ITCH: variants seen among roughly 807,000 people sequenced by gnomAD.
The protein encoded by ITCH is E3 ubiquitin-protein ligase Itchy homolog.
A neutral mutation model predicts 126.8 loss-of-function variants in ITCH; 28 were observed. The ratio of observed to expected loss-of-function variants is 0.22; its 90% confidence interval spans 0.16 to 0.30. ITCH has a LOEUF of 0.30. Among genes scored for constraint, ITCH ranks in the 10% least tolerant of loss-of-function variants. The probability of loss-of-function intolerance (pLI) is 1.00; values close to 1 mark genes in which losing one functional copy is unlikely to be tolerated. For synonymous variants in ITCH, 342 were observed against 340.0 expected (o/e 1.01, Z -0.06); for missense variants, 631 against 1,032.4 (o/e 0.61, Z 5.33).
intron 11 of ITCH, among the ~76,000 whole-genome samples, chr20:34,448,284 T>G (rs1192797248): frequency 1.3e-5 from 2 of 151,776 alleles, no homozygotes; most frequent in Non-Finnish European, 2.9e-5. Flanking sequence ...TCCCAGCTAC[T>G]CAGGAGGCTG....
intron 1 of ITCH, among the ~76,000 whole-genome samples, chr20:34,364,218 A>T (rs2037319568): frequency 6.6e-6 from 1 of 152,164 alleles, no homozygotes; most frequent in South Asian, 2.1e-4. Flanking sequence ...AGGGCCAGGA[A>T]TTCATTATCC....
chr20:34,410,664 A>G (rs1414505114), intron 4 of ITCH, among the ~76,000 whole-genome samples: 1 of 152,188 alleles, frequency 6.6e-6, no homozygotes, highest in African/African-American at 2.4e-5. Context: ...AACCAGGGCA[A>G]AGTAGCGAGT....
rs1222532769 is a variant in ITCH, at chr20:34,509,476, C to T, written c.*1682C>T. On this transcript the variant is annotated 3_prime_UTR_variant, in exon 25 of 25. Transcript: ENST00000374864. ...TTCTTCCTTTTACATCCTGGAACAA[C>T]AATAAAAACATTTTTTTAAACTTGT... The T allele has an allele frequency of 6.6e-6, 1 of 152,586 alleles. No homozygotes were observed. Among genetic ancestry groups the T allele is most frequent in the Non-Finnish European group, 1.5e-5 (1 of 68,024 alleles). 9.5% of individuals were successfully genotyped at this position (152,586 alleles called of 1,614,324 possible).
intron 2 of ITCH, among the ~76,000 whole-genome samples, chr20:34,380,240 A>G (rs2038007048): frequency 6.6e-6 from 1 of 152,116 alleles, no homozygotes; most frequent in African/African-American, 2.4e-5. Context: ...GTTGTACCAT[A>G]TGTCAGAATT....
chr20:34,387,611 C>A (rs907148287), intron 2 of ITCH, among the ~76,000 whole-genome samples: 1 of 149,884 alleles, frequency 6.7e-6, no homozygotes, highest in Non-Finnish European at 1.5e-5. Context: ...CAGAGCGAGA[C>A]CCTGTCTCAA....
intron 3 of ITCH, among the ~76,000 whole-genome samples, chr20:34,398,460 G>A (rs928039867): frequency 1.3e-5 from 2 of 151,438 alleles, no homozygotes; most frequent in Non-Finnish European, 2.9e-5. Context: ...GTGCAATGGC[G>A]TGATCTCGGC....
chr20:34,372,952 C>G (rs1159962481), intron 2 of ITCH, among the ~76,000 whole-genome samples: 1 of 150,808 alleles, frequency 6.6e-6, no homozygotes, highest in Non-Finnish European at 1.5e-5. Context: ...TTTTTGGTTC[C>G]TTTAACATGA....
intron 23 of ITCH, among the ~76,000 whole-genome samples, chr20:34,499,271 G>GC (rs1990090677): frequency 2.4e-5 from 1 of 40,842 alleles, no homozygotes. Flanking sequence ...ACTGTGCCCA[G>GC]CTTTTTTTTT....
At chr20:34,373,669 A>G (rs1009869493) in intron 2 of ITCH, among the ~76,000 whole-genome samples, 1 of 151,604 alleles carries the variant, frequency 6.6e-6, no homozygotes, top group Non-Finnish European at 1.5e-5. Context: ...TTTTTTTTCC[A>G]TGTCTGGAAA....
chr20:34,475,046 T>C (rs1988040459), intron 16 of ITCH, among the ~76,000 whole-genome samples: 1 of 140,858 alleles, frequency 7.1e-6, no homozygotes, highest in Non-Finnish European at 1.5e-5. Flanking sequence ...GCTCCCCACA[T>C]CCCAGACCAT....
intron 2 of ITCH, among the ~76,000 whole-genome samples, chr20:34,376,651 C>G (rs994752449): frequency 4.0e-5 from 6 of 151,828 alleles, no homozygotes; most frequent in Non-Finnish European, 7.4e-5. Flanking sequence ...TTTGTGTGAG[C>G]CTGGTAATAG....
intron 23 of ITCH, among the ~76,000 whole-genome samples, chr20:34,492,944 A>G (rs1349564661): frequency 6.6e-6 from 1 of 152,178 alleles, no homozygotes; most frequent in African/African-American, 2.4e-5. Flanking sequence ...ACAATAGTGG[A>G]TTGTAGTTTT....
In ITCH at chr20:34,408,505, A is replaced by G. The variant is rs555428380; in HGVS notation, c.71-146A>G. 151 of 723,500 alleles carry G rather than the reference A, an allele frequency of 2.1e-4. 2 individuals are homozygous for G. The South Asian group carries it at 2.4e-3, about 12-fold the overall frequency. The allele number at this position is 723,500 out of a possible 1,614,324, so 44.8% of individuals were successfully genotyped here. ...TAGGATGGGAGGAAGTACAAAGGTTATGAGTGAATAAAATTGGTAAGTATT... is the reference window on the plus strand; with the variant it reads ...TAGGATGGGAGGAAGTACAAAGGTTGTGAGTGAATAAAATTGGTAAGTATT... On this transcript the variant is annotated intron_variant, in intron 3 of 24. Transcript: ENST00000374864.
At chr20:34,483,461 C>A (rs527314805) in intron 20 of ITCH, among the ~76,000 whole-genome samples, 2 of 152,256 alleles carry the variant, frequency 1.3e-5, no homozygotes, top group African/African-American at 4.8e-5. Flanking sequence ...CAAGTACAAT[C>A]GTCTCTCTCA....
intron 2 of ITCH, among the ~76,000 whole-genome samples, chr20:34,376,760 A>T (rs1012025531): frequency 6.6e-6 from 1 of 152,112 alleles, no homozygotes; most frequent in Admixed American, 6.6e-5. Flanking sequence ...GTGAAGATTT[A>T]TTTGGCAAAA....
At chr20:34,472,392 A>AG in intron 16 of ITCH, among the ~76,000 whole-genome samples, 1 of 151,280 alleles carries the variant, frequency 6.6e-6, no homozygotes, top group African/African-American at 2.4e-5. Context: ...AAAAAAAAAA[A>AG]AAAAACTTGA....
At chr20:34,403,357 T>G (rs2038950375) in intron 3 of ITCH, among the ~76,000 whole-genome samples, 1 of 152,150 alleles carries the variant, frequency 6.6e-6, no homozygotes. Context: ...CAGAGGAACA[T>G]TAGTTTAAGC....
chr20:34,407,508 A>T (rs948540966), intron 3 of ITCH, among the ~76,000 whole-genome samples: 2 of 152,120 alleles, frequency 1.3e-5, no homozygotes, highest in African/African-American at 4.8e-5. Flanking sequence ...ACCTCAGGTG[A>T]TCCACCCGCC....
At chr20:34,461,464 A>G (rs1003322934) in intron 13 of ITCH, among the ~76,000 whole-genome samples, 1 of 151,702 alleles carries the variant, frequency 6.6e-6, no homozygotes, top group Non-Finnish European at 1.5e-5. Flanking sequence ...TAATTCCAGC[A>G]CCTTGGAAGG....
Sources: allele counts gnomAD v4.1 joint callset (sites outside exome capture counted in the v4.1 genomes callset), GRCh38; gene constraint gnomAD v4.1.1; transcripts MANE v1.5; gene names NCBI Gene and HGNC (gene_info 2026-07-23, HGNC 2026-07-21).